The following CAMK4 variants were observed in gnomAD, a reference collection of about 807,000 sequenced individuals.
CAMK4 encodes the protein calcium/calmodulin-dependent protein kinase type IV.
A neutral mutation model predicts 44.9 loss-of-function variants in CAMK4; 22 were observed. The ratio of observed to expected loss-of-function variants is 0.49; its 90% CI spans 0.35 to 0.70. The LOEUF (loss-of-function observed/expected upper bound fraction) is 0.70, where lower values mean the gene tolerates loss of function less well. Ranked by LOEUF, CAMK4 falls within the 30% of genes least tolerant of loss-of-function variation. The pLI, the probability that CAMK4 is intolerant of heterozygous loss-of-function variation, is 0.01. For synonymous variants in CAMK4, 218 were observed against 215.4 expected (o/e 1.01, Z -0.11); for missense variants, 498 against 586.8 (o/e 0.85, Z 1.56).
chr5:111,370,243 T>G (rs1750954174), intron 2 of CAMK4, among the ~76,000 whole-genome samples: 1 of 152,196 alleles, frequency 6.6e-6, no homozygotes, highest in South Asian at 2.1e-4. Context: ...TTCTGAGTAT[T>G]TTTTGAGTTT....
At chr5:111,423,254 A>G (rs1056776176) in intron 5 of CAMK4, among the ~76,000 whole-genome samples, 1 of 152,230 alleles carries the variant, frequency 6.6e-6, no homozygotes, top group Non-Finnish European at 1.5e-5. Flanking sequence ...CATGGAAAAT[A>G]ATGGCTTTTA....
At position 111,224,573 on chromosome 5, in the gene CAMK4, G is replaced by A. The variant is rs1283261547; in HGVS notation, c.90G>A (p.Pro30=). Residue 30 remains proline (P), a synonymous_variant, in exon 1 of 11, where the codon CCG becomes CCA. Coordinates refer to ENST00000282356, the MANE Select transcript of CAMK4 (RefSeq NM_001744.6). This position sits in a 1 kb window ranked among gnomAD's most constrained non-coding sequence, Gnocchi z 5.7. ...SAAPGTASLV[P]DYWIDGSNRD... is the part of the protein sequence containing the mutation. The stretch of plus-strand genomic sequence containing the variant: ...CCCCGGGGACCGCGAGCCTCGTCCC[G>A]GATTACTGGATCGACGGCTCCAACA... 3 of 1,612,298 alleles carry A rather than the reference G, an allele frequency of 1.9e-6. No homozygotes were observed. Among genetic ancestry groups the A allele is most frequent in the Non-Finnish European group, 2.5e-6 (3 of 1,179,666 alleles).
chr5:111,377,173 A>G (rs1426146157), intron 4 of CAMK4, among the ~76,000 whole-genome samples: 1 of 152,078 alleles, frequency 6.6e-6, no homozygotes, highest in Non-Finnish European at 1.5e-5. Context: ...TATAATATCT[A>G]TTTATCTTTG....
At chr5:111,463,408 T>G (rs173681) in intron 7 of CAMK4, among the ~76,000 whole-genome samples, 115,120 of 152,088 alleles carry the variant, frequency 0.76, 43,873 homozygotes, top group Non-Finnish European at 0.79. Context: ...GGAGACAACC[T>G]AAAAACTCTG....
intron 5 of CAMK4, among the ~76,000 whole-genome samples, chr5:111,401,980 A>G (rs1411649825): frequency 6.6e-6 from 1 of 152,200 alleles, no homozygotes; most frequent in Non-Finnish European, 1.5e-5. Context: ...TGCTGATAAG[A>G]GGCACTGAGA....
chr5:111,393,454 C>A (rs573217517), intron 4 of CAMK4, among the ~76,000 whole-genome samples: 89 of 151,792 alleles, frequency 5.9e-4, no homozygotes, highest in Non-Finnish European at 1.0e-3. Flanking sequence ...TATTTCTCTG[C>A]CCCTTTTTTT....
chr5:111,402,628 C>G (rs898502853), intron 5 of CAMK4, among the ~76,000 whole-genome samples: 7 of 152,232 alleles, frequency 4.6e-5, no homozygotes, highest in African/African-American at 7.2e-5. Flanking sequence ...AGTACCAGAA[C>G]TTATCCTCCT....
intron 5 of CAMK4, among the ~76,000 whole-genome samples, chr5:111,421,194 C>T (rs143275201): frequency 1.3e-5 from 2 of 152,058 alleles, no homozygotes; most frequent in Non-Finnish European, 1.5e-5. Context: ...GGGTCCCTGA[C>T]TTCCCGCAAC....
intron 5 of CAMK4, among the ~76,000 whole-genome samples, chr5:111,402,059 G>T (rs1752247552): frequency 6.6e-6 from 1 of 152,228 alleles, no homozygotes; most frequent in Non-Finnish European, 1.5e-5. Flanking sequence ...ACCTGCCACT[G>T]CAGGATGAAA....
rs1179418463 is a variant in CAMK4 at position 111,224,427 on chromosome 5, T to G, written c.-57T>G. 3 of 1,515,072 alleles carry G rather than the reference T, an allele frequency of 2.0e-6. No individual in the cohort carries two copies. The East Asian group carries it at 8.1e-5, about 41-fold the overall frequency. 93.9% of individuals were successfully genotyped at this position (1,515,072 alleles called of 1,614,324 possible). On this transcript the variant is annotated 5_prime_UTR_variant, in exon 1 of 11. Transcript: ENST00000282356. The surrounding 1 kb of genome is among the most constrained non-coding windows in gnomAD (Gnocchi z 5.7). The stretch of plus-strand genomic sequence containing the variant: ...CGCAGGCGGCGGCTGGCGGCCGGCT[T>G]CTCGCTCGGGCAGCGGCGGCGGCGG...
chr5:111,484,032 G>T lies in CAMK4; in HGVS notation c.988G>T (p.Val330Leu). The T allele has an allele frequency of 1.3e-6, 2 of 1,579,388 alleles. No homozygotes were observed. Among genetic ancestry groups the T allele is most frequent in the Non-Finnish European group, 1.7e-6 (2 of 1,162,700 alleles). Reference sequence around the variant, plus strand: ...CTCTTCTGTTTCCAATCAGGCAGCGGTGAAGGCTGTGGTGGCCTCTTCGCG... The same window carrying T: ...CTCTTCTGTTTCCAATCAGGCAGCGTTGAAGGCTGTGGTGGCCTCTTCGCG... Reference protein sequence around the residue: ...FNARRKLKAAVKAVVASSRLG... With the variant: ...FNARRKLKAALKAVVASSRLG... Residue 330 changes from valine to leucine, a missense_variant, in exon 11 of 11, where the codon GTG becomes TTG. Val to Leu is a conservative substitution (Grantham distance 32, BLOSUM62 1). Coordinates refer to ENST00000282356, the MANE Select transcript of CAMK4 (RefSeq NM_001744.6). This position sits in a 1 kb window ranked among gnomAD's most constrained non-coding sequence, Gnocchi z 5.3.
chr5:111,394,655 A>G lies in CAMK4; in HGVS notation c.387-55A>G. ...ATTAATTTACTTAACTTCTTTTAAT[A>G]TCCATTCTTCTGAATGAATGTGCCT... On this transcript the variant is annotated intron_variant, in intron 4 of 10. Coordinates refer to ENST00000282356, the MANE Select transcript of CAMK4 (RefSeq NM_001744.6). 3 of 1,136,984 alleles carry G rather than the reference A, an allele frequency of 2.6e-6. No individual in the cohort carries two copies. In the South Asian group the frequency reaches 4.0e-5, roughly 15 times the overall value. 70.4% of individuals were successfully genotyped at this position (1,136,984 alleles called of 1,614,324 possible).
intron 1 of CAMK4, among the ~76,000 whole-genome samples, chr5:111,250,229 G>A (rs1466813920): frequency 6.6e-6 from 1 of 152,186 alleles, no homozygotes; most frequent in African/African-American, 2.4e-5. Flanking sequence ...ACTTGACAGA[G>A]GTAATGCATA....
chr5:111,436,927 G>T, intron 5 of CAMK4, among the ~76,000 whole-genome samples: 1 of 152,300 alleles, frequency 6.6e-6, no homozygotes, highest in East Asian at 1.9e-4. Context: ...AATTAATTCA[G>T]CTATAACTAC....
Position 111,478,498 on chromosome 5 carries a change from C to A in CAMK4, c.819C>A (p.Ala273=). ...GGTGGGATGAAGTATCTCTAAATGC[C>A]AAGGACTTGGTAAGTGTAACCAAAA... ...SPWWDEVSLN[A]KDLVRKLIVL... The change falls in exon 9 of 11, where the codon GCC becomes GCA. Residue 273 remains alanine (A), a synonymous_variant. Transcript: ENST00000282356. The A allele has an allele frequency of 6.5e-7, 1 of 1,531,406 alleles. No homozygotes were observed. Among genetic ancestry groups the A allele is most frequent in the Non-Finnish European group, 9.0e-7 (1 of 1,116,318 alleles). The allele number at this position is 1,531,406 out of a possible 1,614,324, so 94.9% of individuals were successfully genotyped here.
intron 1 of CAMK4, among the ~76,000 whole-genome samples, chr5:111,293,712 C>T (rs1747369397): frequency 7.0e-6 from 1 of 142,534 alleles, no homozygotes; most frequent in Non-Finnish European, 1.5e-5. Context: ...TGATTACAGG[C>T]GTGAGCCATC....
chr5:111,469,932 C>A (rs1400745215), intron 7 of CAMK4, among the ~76,000 whole-genome samples: 1 of 152,240 alleles, frequency 6.6e-6, no homozygotes, highest in Non-Finnish European at 1.5e-5. Flanking sequence ...AAAAGACTCT[C>A]TCAACATATT....
chr5:111,467,283 C>T (rs1754869724), intron 7 of CAMK4, among the ~76,000 whole-genome samples: 1 of 145,050 alleles, frequency 6.9e-6, no homozygotes, highest in Non-Finnish European at 1.5e-5. Flanking sequence ...TAGGCAAAGA[C>T]TTCATGACCA....
In CAMK4 at chr5:111,489,682, GCATCTAC is replaced by G. The variant is rs894966542; in HGVS notation, c.*5218_*5224del. The G allele has an allele frequency of 6.6e-6, 1 of 152,200 alleles. No individual in the cohort carries two copies. The highest frequency in any genetic ancestry group is 2.4e-5 in the African/African-American group (1 of 41,436). The allele number at this position is 152,200 out of a possible 1,614,324, so 9.4% of individuals were successfully genotyped here. Reference sequence around the variant, plus strand: ...GATGTTGCTCTAGAGAAGACTCCAGGCATCTACCTGGTTGAGCTCAAATGAGGCAAGT... The same window carrying G: ...GATGTTGCTCTAGAGAAGACTCCAGGCTGGTTGAGCTCAAATGAGGCAAGT... On this transcript the variant is annotated 3_prime_UTR_variant, in exon 11 of 11. Transcript: ENST00000282356.
Sources: allele counts gnomAD v4.1 joint callset (sites outside exome capture counted in the v4.1 genomes callset), GRCh38; gene constraint gnomAD v4.1.1; non-coding constraint Gnocchi (gnomAD v3.1); transcripts MANE v1.5; gene names NCBI Gene and HGNC (gene_info 2026-07-23, HGNC 2026-07-21).